The following SLC4A8 variants were observed in gnomAD, a reference collection of about 807,000 sequenced individuals.
SLC4A8 encodes the protein solute carrier family 4 member 8.
A neutral mutation model predicts 125.0 loss-of-function variants in SLC4A8; 40 were observed. That is an observed-to-expected ratio of 0.32 (90% CI 0.25 to 0.42). The LOEUF (loss-of-function observed/expected upper bound fraction) is 0.42. Ranked by LOEUF, SLC4A8 falls within the 10% of genes least tolerant of loss-of-function variation. SLC4A8 has a pLI of 1.00. For synonymous variants in SLC4A8, 456 were observed against 476.0 expected (o/e 0.96, Z 0.55); for missense variants, 863 against 1,355.1 (o/e 0.64, Z 5.70).
intron 16 of SLC4A8, chr12:51,480,534 T>C (rs1950999402): frequency 3.0e-6 from 3 of 990,124 alleles, no homozygotes; most frequent in East Asian, 2.3e-4. Flanking sequence ...ATGTGAAAGA[T>C]AGTACTTTCT....
At chr12:51,489,196 T>C (rs1481831818) in intron 18 of SLC4A8, among the ~76,000 whole-genome samples, 1 of 152,216 alleles carries the variant, frequency 6.6e-6, no homozygotes, top group African/African-American at 2.4e-5. Context: ...GGCCACTGTT[T>C]CCTAGAGGCA....
chr12:51,468,157 C>T (rs957811740), intron 11 of SLC4A8, among the ~76,000 whole-genome samples: 3 of 152,186 alleles, frequency 2.0e-5, no homozygotes, highest in Non-Finnish European at 2.9e-5. Context: ...AGCCCTCACC[C>T]TGGTGCAGTG....
At chr12:51,425,414 G>T in intron 1 of SLC4A8, 1 of 1,052,402 alleles carries the variant, frequency 9.5e-7, no homozygotes, top group Non-Finnish European at 1.1e-6. Context: ...ACCTTGCTCT[G>T]GTGGGGCACG....
chr12:51,480,647 G>T (rs1951003470), intron 16 of SLC4A8: 1 of 984,504 alleles, frequency 1.0e-6, no homozygotes, highest in African/African-American at 1.7e-5. Context: ...TGATCTAAAT[G>T]CCCGTGTAAC....
chr12:51,443,264 G>A (rs1043960694), intron 2 of SLC4A8, among the ~76,000 whole-genome samples: 1 of 152,128 alleles, frequency 6.6e-6, no homozygotes, highest in African/African-American at 2.4e-5. Flanking sequence ...TGGGGCTACA[G>A]GCACGTGCCA....
chr12:51,415,455 G>A lies in SLC4A8; in HGVS notation c.-112+23967G>A, dbSNP rs190122970. ...CTGTTCAGGTGTTCTGTGTCTTCCC[G>A]GTTCAATCTTGGTAGGTGGTAGGTG... On this transcript the variant is annotated intron_variant, in intron 1 of 24. Coordinates refer to the SLC4A8 transcript ENST00000358657. Among the ~76,000 whole-genome samples, 13 of 152,060 alleles carry A rather than the reference G, an allele frequency of 8.5e-5. No homozygotes were observed. In the East Asian group the frequency reaches 1.7e-3, roughly 20 times the overall value.
At chr12:51,455,855 A>C (rs184583369) in intron 5 of SLC4A8, among the ~76,000 whole-genome samples, 26 of 152,290 alleles carry the variant, frequency 1.7e-4, no homozygotes, top group Admixed American at 1.4e-3. Context: ...CATTGGAGTC[A>C]CATTTTGCTA....
intron 14 of SLC4A8, among the ~76,000 whole-genome samples, chr12:51,474,075 C>T (rs1168992153): frequency 1.3e-5 from 2 of 152,162 alleles, no homozygotes; most frequent in African/African-American, 4.8e-5. Context: ...CCAATCAAGA[C>T]TCATTCTGGG....
chr12:51,501,891 A>T (rs918241316), intron 22 of SLC4A8: 1 of 152,162 alleles, frequency 6.6e-6, no homozygotes, highest in African/African-American at 2.4e-5. Flanking sequence ...TCTGATTTGC[A>T]TCTCTGATGA....
At chr12:51,469,847 A>C in intron 12 of SLC4A8, 59 bp downstream of exon 12, 2 of 1,531,204 alleles carry the variant, frequency 1.3e-6, no homozygotes, top group Non-Finnish European at 1.8e-6. Flanking sequence ...TTGTGGCGGC[A>C]GCCAGGTCCA....
Position 51,410,870 on chromosome 12 carries a change from T to C in SLC4A8, c.-112+19382T>C, listed in dbSNP as rs998024556. On this transcript the variant is annotated intron_variant, in intron 1 of 24. Coordinates refer to the SLC4A8 transcript ENST00000358657. Reference sequence around the variant, plus strand: ...GAACAATCTTTCTTTTCTTTTCTTTTCTTTTCTTTTTTTTTTTTTTTTGAG... The same window carrying C: ...GAACAATCTTTCTTTTCTTTTCTTTCCTTTTCTTTTTTTTTTTTTTTTGAG... Among the ~76,000 whole-genome samples the C allele has an allele frequency of 1.4e-3, 187 of 137,258 alleles. 1 individual carries two copies. Among genetic ancestry groups the C allele is most frequent in the Non-Finnish European group, 1.5e-3 (95 of 65,504 alleles). 90.0% of individuals were successfully genotyped at this position (137,258 alleles called of 152,430 possible).
At chr12:51,425,208 C>T in intron 1 of SLC4A8, 173 bp downstream of exon 1, 2 of 1,407,836 alleles carry the variant, frequency 1.4e-6, no homozygotes, top group African/African-American at 3.0e-5. Flanking sequence ...GGGACCAGGC[C>T]AGGGCTGCGA....
Position 51,510,534 on chromosome 12 carries a change from G to A in SLC4A8, c.*3096G>A, listed in dbSNP as rs991432317. 6 of 151,856 alleles carry A rather than the reference G, an allele frequency of 4.0e-5. No homozygotes were observed. The highest frequency in any genetic ancestry group is 1.5e-4 in the African/African-American group (6 of 41,330). 9.4% of individuals were successfully genotyped at this position (151,856 alleles called of 1,614,324 possible). On this transcript the variant is annotated 3_prime_UTR_variant, in exon 25 of 25. Coordinates refer to ENST00000453097, the MANE Select transcript of SLC4A8 (RefSeq NM_001039960.3). ...TCTCGACCTTTCCATCAAGGATCTT[G>A]AATTTTTTCTCAATTATGCTTGCTA... is the stretch of plus-strand genomic sequence containing the variant.
chr12:51,467,718 C>G (rs549383873), intron 11 of SLC4A8, among the ~76,000 whole-genome samples: 1 of 152,230 alleles, frequency 6.6e-6, no homozygotes. Flanking sequence ...CCCCCATGTA[C>G]CCATCAACTA....
chr12:51,474,969 G>A (rs999025692), intron 15 of SLC4A8, 76 bp from the exon 16 acceptor site: 66 of 1,310,506 alleles, frequency 5.0e-5, no homozygotes, highest in Non-Finnish European at 7.1e-5. Context: ...ATGACAATGA[G>A]TGGTGGACTC....
chr12:51,396,007 C>G (rs1416318038), intron 1 of SLC4A8, among the ~76,000 whole-genome samples: 2 of 152,226 alleles, frequency 1.3e-5, no homozygotes, highest in South Asian at 2.1e-4. Flanking sequence ...CCAAGCAGAG[C>G]TGCTCCTAGT....
intron 1 of SLC4A8, among the ~76,000 whole-genome samples, chr12:51,415,899 C>A (rs1451846624): frequency 6.7e-6 from 1 of 149,726 alleles, no homozygotes; most frequent in Non-Finnish European, 1.5e-5. Flanking sequence ...TGCAAATGTA[C>A]CCCCGAATCT....
intron 16 of SLC4A8, 97 bp downstream of exon 16, chr12:51,475,303 T>C (rs2138329998): frequency 1.6e-6 from 2 of 1,228,448 alleles, no homozygotes; most frequent in Non-Finnish European, 1.2e-6. Context: ...ATTGGCCAGG[T>C]GGAGAACTCC....
chr12:51,502,230 G>GT (rs1165857019), intron 22 of SLC4A8: 1 of 151,798 alleles, frequency 6.6e-6, no homozygotes, highest in Non-Finnish European at 1.5e-5. Flanking sequence ...TCAGCAGTGT[G>GT]TTTTTTGTTT....
Sources: gnomAD v4.1 joint callset for allele counts (sites outside exome capture counted in the v4.1 genomes callset) on GRCh38, gnomAD v4.1.1 for gene constraint, MANE v1.5 for transcripts, NCBI Gene and HGNC (gene_info 2026-07-23, HGNC 2026-07-21) for gene names.